The following PAPPA variants were observed in gnomAD, a reference collection of about 807,000 sequenced individuals.
PAPPA encodes the protein pappalysin-1.
In PAPPA, 60 loss-of-function variants were observed where a neutral mutation model predicts 164.0. The ratio of observed to expected loss-of-function variants is 0.37; its 90% CI spans 0.30 to 0.45. The LOEUF (loss-of-function observed/expected upper bound fraction) is 0.45, where lower values mean the gene tolerates loss of function less well. Ranked by LOEUF, PAPPA falls within the 20% of genes least tolerant of loss-of-function variation. The probability of loss-of-function intolerance (pLI) is 1.00; values close to 1 mark genes in which losing one functional copy is unlikely to be tolerated. For synonymous variants in PAPPA, 875 were observed against 814.1 expected (o/e 1.07, Z -1.27); for missense variants, 1,782 against 2,087.3 (o/e 0.85, Z 2.85).
In PAPPA at chr9:116,227,502, C is replaced by T. The variant is rs1353266777; in HGVS notation, c.2183C>T (p.Ser728Phe). ...ILVQYASNAS[S>F]PMPCSPSGHW... is the part of the protein sequence containing the mutation. ...GTGCAGTATGCTTCCAACGCTTCCTCCCCAATGCCCTGCAGCCCATCAGGA... is the reference window on the plus strand; with the variant it reads ...GTGCAGTATGCTTCCAACGCTTCCTTCCCAATGCCCTGCAGCCCATCAGGA... The change falls in exon 6 of 22, where the codon TCC becomes TTC. Residue 728 changes from serine (S) to phenylalanine (F), a missense_variant. This residue lies in a region of PAPPA where 1,324 missense variants were observed against 1,656.9 expected (regional missense o/e 0.80). Coordinates refer to ENST00000328252, the MANE Select transcript of PAPPA (RefSeq NM_002581.5). 4 of 1,614,074 alleles carry T rather than the reference C, an allele frequency of 2.5e-6. No individual in the cohort carries two copies. Among genetic ancestry groups the T allele is most frequent in the Admixed American group, 1.7e-5 (1 of 60,002 alleles).
At chr9:116,183,890 G>A (rs72752146) in intron 1 of PAPPA, among the ~76,000 whole-genome samples, 39,601 of 151,868 alleles carry the variant, frequency 0.26, 6,432 homozygotes, top group Non-Finnish European at 0.36. Flanking sequence ...CCAAGCCCCG[G>A]CAAGGTTCTG....
intron 9 of PAPPA, among the ~76,000 whole-genome samples, chr9:116,296,993 T>C (rs993826432): frequency 6.6e-6 from 1 of 152,128 alleles, no homozygotes; most frequent in East Asian, 1.9e-4. Flanking sequence ...TAGCTGGGAT[T>C]ACAGGCATAC....
intron 9 of PAPPA, among the ~76,000 whole-genome samples, chr9:116,272,657 A>G (rs543305749): frequency 1.3e-5 from 2 of 152,220 alleles, no homozygotes; most frequent in Admixed American, 1.3e-4. Context: ...ATGCCCCAGG[A>G]GAAAAGACAT....
chr9:116,204,953 C>T (rs1227341653), intron 2 of PAPPA, among the ~76,000 whole-genome samples: 2 of 152,048 alleles, frequency 1.3e-5, no homozygotes, highest in Non-Finnish European at 2.9e-5. Flanking sequence ...CACATGGACT[C>T]CTGTCCCAAA....
At chr9:116,345,867 G>T (rs1035535124) in intron 14 of PAPPA, among the ~76,000 whole-genome samples, 5 of 152,176 alleles carry the variant, frequency 3.3e-5, no homozygotes, top group Admixed American at 6.5e-5. Context: ...AGGTTGTCCT[G>T]GGATTTGAGG....
chr9:116,222,644 A>G (rs1250717582), intron 5 of PAPPA, among the ~76,000 whole-genome samples: 1 of 152,180 alleles, frequency 6.6e-6, no homozygotes, highest in African/African-American at 2.4e-5. Flanking sequence ...TCTAAAAAAA[A>G]TGAATTCATA....
intron 15 of PAPPA, among the ~76,000 whole-genome samples, chr9:116,351,584 T>C (rs931534180): frequency 1.9e-4 from 29 of 152,204 alleles, no homozygotes; most frequent in Non-Finnish European, 3.7e-4. Context: ...AGTAGCCAAC[T>C]TCCCATTAAA....
At chr9:116,318,176 G>A (rs1054395023) in intron 10 of PAPPA, 2 of 152,010 alleles carry the variant, frequency 1.3e-5, no homozygotes, top group Non-Finnish European at 2.9e-5. Flanking sequence ...TTCAGACCTG[G>A]CCTTCAGATA....
At chr9:116,230,396 G>A (rs947774413) in intron 6 of PAPPA, among the ~76,000 whole-genome samples, 4 of 152,138 alleles carry the variant, frequency 2.6e-5, no homozygotes, top group African/African-American at 9.7e-5. Context: ...ATATCTGTAT[G>A]GTTGGGGAAA....
chr9:116,316,590 C>T (rs1845790062), intron 10 of PAPPA: 2 of 152,192 alleles, frequency 1.3e-5, no homozygotes, highest in South Asian at 4.1e-4. Context: ...TCCATTGCAC[C>T]TGTGGTGGAC....
intron 7 of PAPPA, among the ~76,000 whole-genome samples, chr9:116,254,693 A>G (rs760830631): frequency 9.9e-5 from 15 of 151,234 alleles, no homozygotes; most frequent in Non-Finnish European, 2.2e-4. Flanking sequence ...GAGGCAGGAG[A>G]ATGGCGTGAA....
At chr9:116,303,019 C>T in intron 10 of PAPPA, 69 bp downstream of exon 10, 12 of 1,371,804 alleles carry the variant, frequency 8.7e-6, no homozygotes, top group Non-Finnish European at 1.2e-5. Context: ...CACAAGGCTA[C>T]TCACCTCTAA....
chr9:116,374,174 TGATGATGA>T (rs1846617092), intron 19 of PAPPA, among the ~76,000 whole-genome samples: 1 of 116,742 alleles, frequency 8.6e-6, no homozygotes, highest in African/African-American at 3.0e-5. Flanking sequence ...GTGGTGTTGA[TGATGATGA>T]TGGTGGTGAT....
chr9:116,344,418 C>A, intron 13 of PAPPA, 125 bp from the exon 14 acceptor site: 1 of 917,828 alleles, frequency 1.1e-6, no homozygotes, highest in Non-Finnish European at 1.7e-6. Context: ...GCCAGCACCC[C>A]TTTCTGTCCT....
intron 7 of PAPPA, among the ~76,000 whole-genome samples, chr9:116,261,176 G>A (rs1315360250): frequency 5.3e-5 from 8 of 152,158 alleles, no homozygotes; most frequent in Non-Finnish European, 1.2e-4. Flanking sequence ...GTAGTGCGTA[G>A]CATATAATAA....
intron 1 of PAPPA, among the ~76,000 whole-genome samples, chr9:116,160,970 GT>G (rs1843658810): frequency 6.6e-6 from 1 of 152,198 alleles, no homozygotes; most frequent in Non-Finnish European, 1.5e-5. Flanking sequence ...AGGGGAGAGG[GT>G]TTGGGGGATG....
intron 10 of PAPPA, among the ~76,000 whole-genome samples, chr9:116,327,530 G>A (rs1337007086): frequency 6.6e-6 from 1 of 151,946 alleles, no homozygotes; most frequent in Non-Finnish European, 1.5e-5. Context: ...AAAACATTCA[G>A]TAAAGTCAAC....
At chr9:116,198,702 C>T (rs987116054) in intron 2 of PAPPA, among the ~76,000 whole-genome samples, 2 of 152,152 alleles carry the variant, frequency 1.3e-5, no homozygotes, top group African/African-American at 4.8e-5. Context: ...GCTGAGCTTG[C>T]CAGGAACCAG....
chr9:116,352,718 T>G lies in PAPPA; in HGVS notation c.3977T>G (p.Leu1326Arg), dbSNP rs1846298157. ...HPAQLKGNNS[L>R]LTCMEDGLWS... ...CTATGTCTTCCAGGCAACAACAGCCTCCTGACCTGCATGGAGGATGGGCTG... is the reference window on the plus strand; with the variant it reads ...CTATGTCTTCCAGGCAACAACAGCCGCCTGACCTGCATGGAGGATGGGCTG... Residue 1326 changes from leucine to arginine, a missense_variant, in exon 16 of 22, where the codon CTC becomes CGC. Around this residue, in one of 2 missense-constraint regions of PAPPA, gnomAD observed 1,324 missense variants for 1,656.9 expected, o/e 0.80. Transcript: ENST00000328252. 1.2e-6 allele frequency: 2 copies of G among 1,612,616 alleles called. No homozygotes were observed.
Sources: gnomAD v4.1 joint callset for allele counts (sites outside exome capture counted in the v4.1 genomes callset) on GRCh38, gnomAD v4.1.1 for gene constraint, gnomAD v4.1.1 regional missense constraint, MANE v1.5 for transcripts, NCBI Gene and HGNC (gene_info 2026-07-23, HGNC 2026-07-21) for gene names.